Variants in SLC24A2 observed in about 807,000 individuals in gnomAD.
SLC24A2 encodes solute carrier family 24 member 2.
SLC24A2 carries 36 observed loss-of-function variants against 62.0 expected under a neutral mutation model. The ratio of observed to expected loss-of-function variants is 0.58; its 90% CI spans 0.44 to 0.77. The LOEUF (loss-of-function observed/expected upper bound fraction) is 0.77, where lower values mean the gene tolerates loss of function less well. Among genes scored for constraint, SLC24A2 ranks in the 30% least tolerant of loss-of-function variants. The probability of loss-of-function intolerance (pLI) is 0.00; values close to 1 mark genes in which losing one functional copy is unlikely to be tolerated. For missense variants in SLC24A2, 846 were observed against 817.9 expected (o/e 1.03, Z -0.42); for synonymous variants, 358 against 294.0 (o/e 1.22, Z -2.23).
intron 2 of SLC24A2, among the ~76,000 whole-genome samples, chr9:19,702,430 T>C (rs1275604669): frequency 2.0e-5 from 3 of 152,220 alleles, no homozygotes; most frequent in Non-Finnish European, 2.9e-5. Flanking sequence ...ACAAATGATC[T>C]CGATACACTT....
chr9:20,196,921 T>C, the SLC24A2 span, among the ~76,000 whole-genome samples: 1 of 152,232 alleles, frequency 6.6e-6, no homozygotes. Context: ...GTAGAAATCA[T>C]GCTTATATTC....
chr9:19,959,228 G>A, the SLC24A2 span, among the ~76,000 whole-genome samples: 1 of 152,264 alleles, frequency 6.6e-6, no homozygotes, highest in East Asian at 1.9e-4. Flanking sequence ...TTGGAAAGAA[G>A]AAAAGACAAT....
At chr9:19,745,288 C>T (rs998565604) in intron 2 of SLC24A2, among the ~76,000 whole-genome samples, 1 of 152,148 alleles carries the variant, frequency 6.6e-6, no homozygotes, top group African/African-American at 2.4e-5. Flanking sequence ...GCCAATTAAA[C>T]CTCTTTTCTT....
chr9:19,529,811 C>T (rs1243046272), intron 8 of SLC24A2, among the ~76,000 whole-genome samples: 1 of 149,006 alleles, frequency 6.7e-6, no homozygotes, highest in Non-Finnish European at 1.5e-5. Flanking sequence ...AGTGCAGTGG[C>T]ATGATCTTGG....
intron 2 of SLC24A2, among the ~76,000 whole-genome samples, chr9:19,763,799 T>C (rs1041314510): frequency 2.6e-5 from 4 of 152,204 alleles, no homozygotes; most frequent in African/African-American, 9.7e-5. Context: ...TCTGCCAGGT[T>C]TTGGTATCAG....
intron 2 of SLC24A2, among the ~76,000 whole-genome samples, chr9:19,712,608 T>A (rs1820746733): frequency 6.6e-6 from 1 of 152,184 alleles, no homozygotes; most frequent in African/African-American, 2.4e-5. Flanking sequence ...TCTTCCAAAT[T>A]CTTTTCCTGA....
At chr9:20,220,645 C>T in the SLC24A2 span, among the ~76,000 whole-genome samples, 1 of 152,182 alleles carries the variant, frequency 6.6e-6, no homozygotes, top group South Asian at 2.1e-4. Context: ...TTAGCTTTCA[C>T]TTGGGCAGTT....
intron 7 of SLC24A2, among the ~76,000 whole-genome samples, chr9:19,559,363 G>A (rs1215623884): frequency 6.6e-6 from 1 of 152,030 alleles, no homozygotes; most frequent in East Asian, 1.9e-4. Flanking sequence ...ATTCTCTCAG[G>A]CAATGTGAAT....
the SLC24A2 span, among the ~76,000 whole-genome samples, chr9:20,019,155 A>AGAGAGAGAG: frequency 8.5e-6 from 1 of 117,088 alleles, no homozygotes; most frequent in African/African-American, 3.1e-5. Context: ...GAAAGAAAGA[A>AGAGAGAGAG]AGAGAGAGAG....
the SLC24A2 span, among the ~76,000 whole-genome samples, chr9:19,813,644 C>T: frequency 3.6e-3 from 545 of 152,036 alleles, 1 homozygote; most frequent in Middle Eastern, 6.8e-3. Flanking sequence ...AAAATTTAAT[C>T]CTTGTTGTGA....
chr9:19,577,708 G>A (rs976647454), intron 5 of SLC24A2, among the ~76,000 whole-genome samples: 1 of 152,028 alleles, frequency 6.6e-6, no homozygotes, highest in Non-Finnish European at 1.5e-5. Context: ...TTGGTGATGA[G>A]ATGCTTTGGG....
At chr9:20,104,622 T>C in the SLC24A2 span, among the ~76,000 whole-genome samples, 1 of 151,992 alleles carries the variant, frequency 6.6e-6, no homozygotes, top group African/African-American at 2.4e-5. Flanking sequence ...GAAGGAGAAA[T>C]AAAATACTTT....
chr9:19,661,680 GT>G (rs888789216), intron 2 of SLC24A2, among the ~76,000 whole-genome samples: 74 of 152,226 alleles, frequency 4.9e-4, no homozygotes, highest in African/African-American at 1.8e-3. Flanking sequence ...AATCCTCTGA[GT>G]TTTTTCAAAA....
chr9:20,277,680 G>T, the SLC24A2 span, among the ~76,000 whole-genome samples: 6 of 152,150 alleles, frequency 3.9e-5, no homozygotes, highest in South Asian at 2.1e-4. Context: ...ACAGTGTGGC[G>T]ATTCCTCAGG....
At chr9:20,002,212 A>C in the SLC24A2 span, among the ~76,000 whole-genome samples, 51 of 152,054 alleles carry the variant, frequency 3.4e-4, no homozygotes, top group Non-Finnish European at 5.6e-4. Flanking sequence ...TAGCACTACC[A>C]TTTCACCCCA....
intron 4 of SLC24A2, among the ~76,000 whole-genome samples, chr9:19,604,410 A>G (rs1027270431): frequency 6.6e-6 from 1 of 152,236 alleles, no homozygotes; most frequent in Non-Finnish European, 1.5e-5. Flanking sequence ...CTACCAGTGC[A>G]CAGAATAGAT....
chr9:19,563,498 G>A (rs948639530), intron 7 of SLC24A2, among the ~76,000 whole-genome samples: 1 of 152,114 alleles, frequency 6.6e-6, no homozygotes, highest in Non-Finnish European at 1.5e-5. Context: ...ATTTTAGGAA[G>A]AAAGACATCA....
chr9:19,827,886 A>G, the SLC24A2 span, among the ~76,000 whole-genome samples: 1 of 152,198 alleles, frequency 6.6e-6, no homozygotes, highest in Non-Finnish European at 1.5e-5. Flanking sequence ...AGACATGTCT[A>G]GACTATTTCC....
At chr9:19,970,143 G>A in the SLC24A2 span, among the ~76,000 whole-genome samples, 6 of 152,078 alleles carry the variant, frequency 3.9e-5, no homozygotes, top group East Asian at 1.9e-4. Flanking sequence ...ACCCCTCCAC[G>A]CATAACCACA....
Sources: gnomAD v4.1 joint callset for allele counts (sites outside exome capture counted in the v4.1 genomes callset) on GRCh38, gnomAD v4.1.1 for gene constraint, MANE v1.5 for transcripts, NCBI Gene and HGNC (gene_info 2026-07-23, HGNC 2026-07-21) for gene names.